The following EFCAB5 variants were observed in gnomAD, a reference collection of about 807,000 sequenced individuals.
EFCAB5 encodes EF-hand calcium binding domain 5.
EFCAB5 carries 131 observed loss-of-function variants against 167.9 expected under a neutral mutation model. The ratio of observed to expected loss-of-function variants is 0.78; its 90% CI spans 0.68 to 0.90. The LOEUF is 0.90. EFCAB5 is among the 40% of genes least tolerant of loss of function. EFCAB5 has a pLI of 0.00. For synonymous variants in EFCAB5, 574 were observed against 602.8 expected, an observed-to-expected ratio of 0.95 and a Z score of 0.70; for missense variants, 1,663 against 1,745.2, an observed-to-expected ratio of 0.95 and a Z score of 0.84.
chr17:29,964,941 G>T (rs142419564), intron 3 of EFCAB5, among the ~76,000 whole-genome samples: 1 of 150,130 alleles, frequency 6.7e-6, no homozygotes, highest in African/African-American at 2.5e-5. Context: ...TCACTCTGTC[G>T]TCCAGGCTAG....
chr17:30,029,707 C>T (rs1371295495), intron 7 of EFCAB5, among the ~76,000 whole-genome samples: 2 of 152,018 alleles, frequency 1.3e-5, no homozygotes, highest in Non-Finnish European at 2.9e-5. Flanking sequence ...TTGCACTCCT[C>T]GTATACTACC....
intron 4 of EFCAB5, among the ~76,000 whole-genome samples, chr17:29,977,665 T>C (rs2068087938): frequency 6.6e-6 from 1 of 152,186 alleles, no homozygotes; most frequent in Non-Finnish European, 1.5e-5. Context: ...TATGCATTAA[T>C]GATGGAACAT....
intron 22 of EFCAB5, among the ~76,000 whole-genome samples, chr17:30,099,843 T>C (rs2071357372): frequency 6.6e-6 from 1 of 152,116 alleles, no homozygotes; most frequent in Admixed American, 6.5e-5. Context: ...CCAAGCTGTG[T>C]GCCCACAGAG....
intron 17 of EFCAB5, among the ~76,000 whole-genome samples, chr17:30,082,353 A>G (rs2071003550): frequency 6.6e-6 from 1 of 150,590 alleles, no homozygotes; most frequent in Non-Finnish European, 1.5e-5. Flanking sequence ...GACTATCAAA[A>G]GCATAAAAAG....
At chr17:30,097,967 CT>C (rs1330522738) in intron 22 of EFCAB5, among the ~76,000 whole-genome samples, 1 of 152,120 alleles carries the variant, frequency 6.6e-6, no homozygotes, top group Non-Finnish European at 1.5e-5. Context: ...CAGGGCCCCC[CT>C]CTATCACTCA....
rs78197015 is a variant in EFCAB5 at position 30,097,623 on chromosome 17, C to G, written c.4321+4687C>G. On this transcript the variant is annotated intron_variant, in intron 22 of 22. Transcript: ENST00000394835. The stretch of plus-strand genomic sequence containing the variant: ...GTTCTGTTATACCACCATTCTCTTA[C>G]CCCATCCTCCCAATGTAGTTATATT... Among the ~76,000 whole-genome samples the G allele has an allele frequency of 7.8e-3, 1,181 of 152,282 alleles. 22 individuals are homozygous for G. The highest frequency in any genetic ancestry group is 0.027 in the African/African-American group (1,123 of 41,558).
chr17:30,087,350 G>T (rs1206684787), intron 19 of EFCAB5, among the ~76,000 whole-genome samples, 184 bp downstream of exon 19: 1 of 152,140 alleles, frequency 6.6e-6, no homozygotes, highest in Non-Finnish European at 1.5e-5. Flanking sequence ...TTGTTACACA[G>T]GTAAACTTGT....
chr17:29,950,280 C>T, intron 3 of EFCAB5, among the ~76,000 whole-genome samples: 1 of 145,214 alleles, frequency 6.9e-6, no homozygotes, highest in Admixed American at 7.0e-5. Context: ...TCTTCCTTTC[C>T]TTCCTTCCTT....
At chr17:30,009,799 A>C (rs978309016) in intron 7 of EFCAB5, among the ~76,000 whole-genome samples, 14 of 151,548 alleles carry the variant, frequency 9.2e-5, no homozygotes, top group African/African-American at 3.4e-4. Context: ...AGGAACTGCC[A>C]GATTGTTTTC....
chr17:29,969,363 A>G lies in EFCAB5; in HGVS notation c.763A>G (p.Asn255Asp). 1.3e-6 allele frequency: 2 copies of G among 1,579,412 alleles called. No homozygotes were observed. Among genetic ancestry groups the G allele is most frequent in the East Asian group, 2.2e-5 (1 of 44,646 alleles). ...GATATATGTTCCTGACACTATCTGC[A>G]ACAGGTACAATCTGTTATAGTTTCA... ...LKIYVPDTICNRVSKMKENVK... is the reference protein window; with the variant it reads ...LKIYVPDTICDRVSKMKENVK... The change falls in exon 4 of 23, where the codon AAC becomes GAC. Residue 255 changes from asparagine to aspartate, a missense_variant. Coordinates refer to ENST00000394835, the MANE Select transcript of EFCAB5 (RefSeq NM_198529.4).
intron 7 of EFCAB5, among the ~76,000 whole-genome samples, chr17:30,021,125 G>A (rs1487131101): frequency 2.0e-5 from 3 of 149,696 alleles, no homozygotes; most frequent in Non-Finnish European, 4.4e-5. Flanking sequence ...TTGTCTACAT[G>A]ATAGGAAATA....
intron 22 of EFCAB5, among the ~76,000 whole-genome samples, chr17:30,097,416 T>C (rs1021197280): frequency 2.6e-5 from 4 of 152,240 alleles, no homozygotes; most frequent in African/African-American, 9.6e-5. Flanking sequence ...AAAGAGTCAC[T>C]AGCCCATATC....
chr17:29,964,023 C>A (rs532038275), intron 3 of EFCAB5, among the ~76,000 whole-genome samples: 1 of 149,932 alleles, frequency 6.7e-6, no homozygotes, highest in South Asian at 2.1e-4. Context: ...CTTCTTGAGG[C>A]CTCACTGGGA....
At chr17:30,082,762 T>A (rs2071014757) in intron 17 of EFCAB5, 129 bp from the exon 18 acceptor site, 1 of 1,007,880 alleles carries the variant, frequency 9.9e-7, no homozygotes, top group Non-Finnish European at 1.4e-6. Context: ...TGAGGACTGC[T>A]GAATAATTTG....
intron 7 of EFCAB5, 40 bp from the exon 8 acceptor site, chr17:30,034,189 GT>G: frequency 6.2e-7 from 1 of 1,604,058 alleles, no homozygotes; most frequent in Non-Finnish European, 8.5e-7. Context: ...GTAGAGCATG[GT>G]TTTAAGTCAA....
chr17:30,097,635 A>G (rs1179899970), intron 22 of EFCAB5, among the ~76,000 whole-genome samples: 1 of 152,134 alleles, frequency 6.6e-6, no homozygotes, highest in Non-Finnish European at 1.5e-5. Flanking sequence ...CCATCCTCCC[A>G]ATGTAGTTAT....
intron 10 of EFCAB5, among the ~76,000 whole-genome samples, chr17:30,055,560 A>G (rs1240685115): frequency 2.0e-5 from 3 of 152,186 alleles, no homozygotes; most frequent in Non-Finnish European, 2.9e-5. Context: ...AGTTTCAGGC[A>G]TCCACTAGGG....
chr17:30,073,024 T>C (rs1209742275), intron 14 of EFCAB5: 5 of 567,296 alleles, frequency 8.8e-6, no homozygotes, highest in Non-Finnish European at 1.6e-5. Context: ...CTCTGCACTC[T>C]GGCTCCTGTG....
chr17:30,063,594 A>C (rs1273280185), intron 14 of EFCAB5, among the ~76,000 whole-genome samples: 3 of 152,146 alleles, frequency 2.0e-5, no homozygotes, highest in African/African-American at 4.8e-5. Flanking sequence ...ACCCTGCCAC[A>C]GAAAGCAAAC....
Sources: allele counts gnomAD v4.1 joint callset (sites outside exome capture counted in the v4.1 genomes callset), GRCh38; gene constraint gnomAD v4.1.1; transcripts MANE v1.5; gene names NCBI Gene and HGNC (gene_info 2026-07-23, HGNC 2026-07-21).